POLR1D: variants seen among roughly 807,000 people sequenced by gnomAD.
The protein encoded by POLR1D is RNA polymerase I and III subunit D.
A neutral mutation model predicts 10.8 loss-of-function variants in POLR1D; 8 were observed. The observed-to-expected ratio is 0.74, with a 90% CI of 0.43 to 1.33. The LOEUF (loss-of-function observed/expected upper bound fraction) is 1.33. Ranked by LOEUF, POLR1D falls within the 40% of genes most tolerant of loss-of-function variation. The pLI, the probability that POLR1D is intolerant of heterozygous loss-of-function variation, is 0.01. For missense variants in POLR1D, 152 were observed against 161.7 expected (o/e 0.94, Z 0.32); for synonymous variants, 54 against 57.2 (o/e 0.94, Z 0.25).
At chr13:27,665,973 C>T in exon 3 of POLR1D, 1 of 1,612,598 alleles carries the variant, frequency 6.2e-7, no homozygotes, top group Non-Finnish European at 8.5e-7. Context: ...CAGGGCCAGC[C>T]AGCCCTGCGG....
downstream of POLR1D, among the ~76,000 whole-genome samples, chr13:27,625,202 T>G (rs1472630233): frequency 6.6e-6 from 1 of 152,038 alleles, no homozygotes; most frequent in East Asian, 1.9e-4. Flanking sequence ...GAGGAAGAGT[T>G]GGGGTAGTAG....
chr13:27,626,327 C>T (rs563662388), downstream of POLR1D, among the ~76,000 whole-genome samples: 17 of 152,272 alleles, frequency 1.1e-4, no homozygotes, highest in African/African-American at 2.6e-4. Flanking sequence ...CAGAGGCGAC[C>T]GCTCACCACA....
Position 27,621,955 on chromosome 13 carries a change from C to T in POLR1D, c.-29C>T, listed in dbSNP as rs1430410920. The T allele has an allele frequency of 1.9e-6, 3 of 1,585,918 alleles. No homozygotes were observed. Among genetic ancestry groups the T allele is most frequent in the South Asian group, 2.3e-5 (2 of 87,052 alleles). ...GACAGAGCCCCCGATCCGCCAGCAC[C>T]ACCTGAGGATCCAGAAACCGCCCCA... On this transcript the variant is annotated 5_prime_UTR_variant, in exon 1 of 2. Coordinates refer to ENST00000302979, the MANE Select transcript of POLR1D (RefSeq NM_015972.4).
At chr13:27,622,818 G>A (rs540248256) in intron 1 of POLR1D, 57 bp from the exon 2 acceptor site, 2 of 1,099,970 alleles carry the variant, frequency 1.8e-6, no homozygotes, top group Middle Eastern at 2.0e-4. Context: ...ATGAGAAAAA[G>A]CTAGTTACAA....
chr13:27,639,163 T>G (rs565088904), intron 1 of POLR1D, among the ~76,000 whole-genome samples: 1 of 152,194 alleles, frequency 6.6e-6, no homozygotes, highest in African/African-American at 2.4e-5. Context: ...CCCTTTTTCT[T>G]TTGCAGTTTT....
At chr13:27,643,752 C>T (rs1191463882) in intron 1 of POLR1D, among the ~76,000 whole-genome samples, 1 of 152,182 alleles carries the variant, frequency 6.6e-6, no homozygotes. Flanking sequence ...ATGTGGACGA[C>T]TCCACAAGTA....
chr13:27,625,505 G>A (rs1381203987), downstream of POLR1D, among the ~76,000 whole-genome samples: 1 of 152,102 alleles, frequency 6.6e-6, no homozygotes, highest in Non-Finnish European at 1.5e-5. Flanking sequence ...AGCTTAAAAT[G>A]GAAAATAGAT....
intron 1 of POLR1D, among the ~76,000 whole-genome samples, chr13:27,644,067 T>G (rs1373079966): frequency 1.3e-5 from 2 of 152,168 alleles, no homozygotes; most frequent in African/African-American, 4.8e-5. Flanking sequence ...ACGTTCAGCC[T>G]TGTGTTCCTA....
chr13:27,623,362 CG>C lies in POLR1D; in HGVS notation c.*113del. ...CAGCATACTCTGTCCTTCAGAAAGG[CG>C]TGATTCTAGCTGTTGACCCCTTGCA... is the stretch of plus-strand genomic sequence containing the variant. On this transcript the variant is annotated 3_prime_UTR_variant, in exon 2 of 2. Coordinates refer to ENST00000302979, the MANE Select transcript of POLR1D (RefSeq NM_015972.4). 6.5e-7 allele frequency: 1 copy of C among 1,548,426 alleles called. No individual in the cohort carries two copies.
chr13:27,636,974 A>AC, intron 1 of POLR1D, among the ~76,000 whole-genome samples: 1 of 152,230 alleles, frequency 6.6e-6, no homozygotes. Context: ...TTTTTAAAAC[A>AC]ATGCATAGTT....
exon 3 of POLR1D, chr13:27,665,899 G>A (rs1367385490): frequency 1.9e-6 from 3 of 1,614,160 alleles, no homozygotes; most frequent in East Asian, 4.5e-5. Context: ...GTTACTCCCC[G>A]CCACGAAAGC....
downstream of POLR1D, among the ~76,000 whole-genome samples, chr13:27,624,543 A>G (rs1015266652): frequency 6.6e-6 from 1 of 152,106 alleles, no homozygotes; most frequent in African/African-American, 2.4e-5. Flanking sequence ...ATAGATATAT[A>G]GCTATAGTGG....
chr13:27,648,324 T>C, intron 1 of POLR1D: 1 of 1,168,710 alleles, frequency 8.6e-7, no homozygotes, highest in South Asian at 1.3e-5. Context: ...AATGAATTGA[T>C]TTTCAGAACT....
At chr13:27,643,499 C>T (rs1956194067) in intron 1 of POLR1D, among the ~76,000 whole-genome samples, 1 of 152,148 alleles carries the variant, frequency 6.6e-6, no homozygotes, top group Admixed American at 6.5e-5. Flanking sequence ...AAACTTTGTC[C>T]TGTGGTTTCT....
intron 2 of POLR1D, chr13:27,651,316 G>A (rs1441577639): frequency 6.6e-6 from 1 of 152,174 alleles, no homozygotes; most frequent in African/African-American, 2.4e-5. Context: ...AGAGTATGCT[G>A]TGAATTAATA....
At chr13:27,652,911 C>CTTTTTTTTT (rs71083685) in intron 2 of POLR1D, among the ~76,000 whole-genome samples, 8 of 89,332 alleles carry the variant, frequency 9.0e-5, no homozygotes, top group African/African-American at 3.9e-4. Flanking sequence ...TTTACCATTT[C>CTTTTTTTTT]TTTTTTTTTT....
chr13:27,641,563 TTTTTA>T (rs1173954767), intron 1 of POLR1D, among the ~76,000 whole-genome samples: 1 of 152,208 alleles, frequency 6.6e-6, no homozygotes, highest in Non-Finnish European at 1.5e-5. Context: ...CTGAAAATAT[TTTTTA>T]TTTTGTTATG....
chr13:27,660,052 C>T (rs1956349081), intron 2 of POLR1D, among the ~76,000 whole-genome samples: 1 of 152,086 alleles, frequency 6.6e-6, no homozygotes, highest in African/African-American at 2.4e-5. Flanking sequence ...CTGTTGTACA[C>T]AGTAATTAAG....
chr13:27,653,390 T>C (rs1284778414), intron 2 of POLR1D, among the ~76,000 whole-genome samples: 3 of 151,998 alleles, frequency 2.0e-5, no homozygotes, highest in Non-Finnish European at 4.4e-5. Context: ...TTCCCAGGTA[T>C]AGGGAAAAAG....
Sources: gnomAD v4.1 joint callset for allele counts (sites outside exome capture counted in the v4.1 genomes callset) on GRCh38, gnomAD v4.1.1 for gene constraint, MANE v1.5 for transcripts, NCBI Gene and HGNC (gene_info 2026-07-23, HGNC 2026-07-21) for gene names.